The following PXN variants were observed in gnomAD, a reference collection of about 807,000 sequenced individuals.
PXN encodes the protein paxillin.
A neutral mutation model predicts 103.6 loss-of-function variants in PXN; 61 were observed. The observed-to-expected ratio is 0.59, with a 90% CI of 0.48 to 0.73. PXN has a LOEUF of 0.73. PXN is among the 30% of genes least tolerant of loss of function. PXN has a pLI of 0.00. For missense variants in PXN, 1,274 were observed against 1,460.3 expected (o/e 0.87, Z 2.08); for synonymous variants, 562 against 607.8 (o/e 0.92, Z 1.11).
intron 1 of PXN, among the ~76,000 whole-genome samples, chr12:120,240,291 T>TG (rs1361494944): frequency 6.6e-6 from 1 of 152,096 alleles, no homozygotes; most frequent in Non-Finnish European, 1.5e-5. Flanking sequence ...GATGAGGAGC[T>TG]GTCCCACCCA....
At chr12:120,237,677 T>C (rs1407555467) in intron 1 of PXN, among the ~76,000 whole-genome samples, 1 of 152,138 alleles carries the variant, frequency 6.6e-6, no homozygotes, top group East Asian at 1.9e-4. Context: ...AGTGACCCTT[T>C]TGCCTCCCTA....
At chr12:120,258,745 C>CT (rs566623125) in intron 1 of PXN, among the ~76,000 whole-genome samples, 2 of 152,076 alleles carry the variant, frequency 1.3e-5, no homozygotes, top group African/African-American at 2.4e-5. Context: ...TGTGTATATC[C>CT]TTTTTTTCAT....
intron 1 of PXN, among the ~76,000 whole-genome samples, chr12:120,252,184 G>A (rs1310119727): frequency 2.0e-5 from 3 of 152,096 alleles, no homozygotes; most frequent in Admixed American, 2.0e-4. Context: ...CATCACTGTG[G>A]GTGTCGCAGT....
chr12:120,262,740 G>A (rs1352017066), intron 1 of PXN, among the ~76,000 whole-genome samples: 3 of 152,178 alleles, frequency 2.0e-5, no homozygotes, highest in Non-Finnish European at 4.4e-5. Flanking sequence ...CACAGTCAGA[G>A]TGCATCTCAG....
chr12:120,218,828 CA>C (rs756427421), intron 7 of PXN, among the ~76,000 whole-genome samples: 18 of 152,238 alleles, frequency 1.2e-4, no homozygotes, highest in Admixed American at 4.6e-4. Flanking sequence ...CCCCACTTTA[CA>C]GATGAGAAAA....
intron 1 of PXN, among the ~76,000 whole-genome samples, chr12:120,246,226 A>G (rs1891088554): frequency 6.6e-6 from 1 of 152,132 alleles, no homozygotes; most frequent in Non-Finnish European, 1.5e-5. Context: ...GTCTCTACAA[A>G]AATAAAAATA....
chr12:120,228,429 C>T lies in PXN; in HGVS notation c.14-4052G>A, dbSNP rs1029321993. ...CTGAGGGCAGGCTAGGTGCAAAGTC[C>T]CCAGCGAGCCATGGGCAAAGGCCAC... is the stretch of plus-strand genomic sequence containing the variant. On this transcript the variant is annotated intron_variant, in intron 1 of 14. Coordinates refer to ENST00000637617, the MANE Select transcript of PXN (RefSeq NM_001385981.1). The surrounding 1 kb of genome is among the most constrained non-coding windows in gnomAD (Gnocchi z 4.7). 6.6e-6 allele frequency among the ~76,000 whole-genome samples: 1 copy of T among 152,178 alleles called. No homozygotes were observed. Among genetic ancestry groups the T allele is most frequent in the African/African-American group, 2.4e-5 (1 of 41,440 alleles).
intron 1 of PXN, among the ~76,000 whole-genome samples, chr12:120,257,338 T>C (rs1151832): frequency 0.28 from 41,904 of 152,116 alleles, 8,477 homozygotes; most frequent in East Asian, 0.55. Context: ...CCTCCCAGCA[T>C]CACCCCCTCC....
chr12:120,219,497 G>A lies in PXN; in HGVS notation c.1426C>T (p.Pro476Ser), dbSNP rs1269818917. The part of the protein sequence containing the change: ...VVAVDRQAIF[P>S]DTWTLTEEHG... ...TCCTCCGTGAGAGTCCAGGTATCTG[G>A]GAAGATGGCCTGCCGGTCCACTGCC... Residue 476 changes from proline (P) to serine (S), a missense_variant, in exon 7 of 15, where the codon CCA becomes TCA. Physicochemically the swap from Pro to Ser is moderately conservative, Grantham distance 74 (BLOSUM62 -1). Around this residue, in one of 2 missense-constraint regions of PXN, gnomAD observed 1,178 missense variants for 1,309.0 expected, o/e 0.90. Coordinates refer to ENST00000637617, the MANE Select transcript of PXN (RefSeq NM_001385981.1). The surrounding 1 kb of genome is among the most constrained non-coding windows in gnomAD (Gnocchi z 6.5). 3.8e-6 allele frequency: 6 copies of A among 1,597,080 alleles called. No homozygotes were observed. In the Admixed American group the frequency reaches 8.4e-5, roughly 22 times the overall value.
In PXN at chr12:120,245,853, T is replaced by C. The variant is rs182722765; in HGVS notation, c.13+19764A>G. ...TAAATTTGTGGACAAACATAAAAGG[T>C]GGACTACATAGTACGGGTTTCATAA... On this transcript the variant is annotated intron_variant, in intron 1 of 14. Transcript: ENST00000637617. Among the ~76,000 whole-genome samples, 267 of 148,596 alleles carry C rather than the reference T, an allele frequency of 1.8e-3. 1 individual carries two copies. The highest frequency in any genetic ancestry group is 5.9e-3 in the African/African-American group (238 of 40,182).
At chr12:120,231,367 A>G (rs73415014) in intron 1 of PXN, among the ~76,000 whole-genome samples, 1 of 152,348 alleles carries the variant, frequency 6.6e-6, no homozygotes, top group East Asian at 1.9e-4. Flanking sequence ...GATCAATACC[A>G]TAGTGTCATT....
At chr12:120,223,098 T>C in intron 3 of PXN, 99 bp from the exon 4 acceptor site, 1 of 1,583,046 alleles carries the variant, frequency 6.3e-7, no homozygotes, top group Non-Finnish European at 8.6e-7. Context: ...GCAGAGGAGA[T>C]GCGAAGTCTT....
In PXN at chr12:120,216,255, G is replaced by T. The variant is rs1279722639; in HGVS notation, c.2301+18C>A. 7.8e-6 allele frequency: 10 copies of T among 1,275,234 alleles called. No individual in the cohort carries two copies. Among genetic ancestry groups the T allele is most frequent in the Non-Finnish European group, 9.9e-6 (10 of 1,014,938 alleles). The allele number at this position is 1,275,234 out of a possible 1,614,324, so 79.0% of individuals were successfully genotyped here. ...TTAGGACAGGGGACAGAAAGGGAGG[G>T]GCTCCTTTAAGGCCTGCCTGCATCG... On this transcript the variant is annotated intron_variant, in intron 9 of 14. Coordinates refer to ENST00000637617, the MANE Select transcript of PXN (RefSeq NM_001385981.1). The surrounding 1 kb of genome is among the most constrained non-coding windows in gnomAD (Gnocchi z 5.1).
Position 120,214,746 on chromosome 12 carries a change from G to A in PXN, c.2748+79C>T, listed in dbSNP as rs1371153441. Reference sequence around the variant, plus strand: ...CATGTGACCTCTCTGAGCCTCCCACGGCACCCCCTGCATCCTCAGAGGGCT... The same window carrying A: ...CATGTGACCTCTCTGAGCCTCCCACAGCACCCCCTGCATCCTCAGAGGGCT... On this transcript the variant is annotated intron_variant, in intron 12 of 14. Coordinates refer to ENST00000637617, the MANE Select transcript of PXN (RefSeq NM_001385981.1). The surrounding 1 kb of genome is among the most constrained non-coding windows in gnomAD (Gnocchi z 5.0). 65 of 1,560,466 alleles carry A rather than the reference G, an allele frequency of 4.2e-5. No individual in the cohort carries two copies. In the East Asian group the frequency reaches 9.0e-4, roughly 22 times the overall value.
At chr12:120,231,226 A>G (rs1409638124) in intron 1 of PXN, among the ~76,000 whole-genome samples, 2 of 152,166 alleles carry the variant, frequency 1.3e-5, no homozygotes, top group South Asian at 2.1e-4. Context: ...GCATGCTCTG[A>G]GGAGATAATA....
chr12:120,221,864 C>A lies in PXN; in HGVS notation c.696-106G>T. 7.0e-7 allele frequency: 1 copy of A among 1,435,022 alleles called. No individual in the cohort carries two copies. The highest frequency in any genetic ancestry group is 9.2e-7 in the Non-Finnish European group (1 of 1,085,564). The allele number at this position is 1,435,022 out of a possible 1,614,324, so 88.9% of individuals were successfully genotyped here. ...GACACTGGGGTCTCACCATCCCCAA[C>A]CCCAGGGAGGTCCACCAGCTCCCTG... On this transcript the variant is annotated intron_variant, in intron 5 of 14. Transcript: ENST00000637617. This position sits in a 1 kb window ranked among gnomAD's most constrained non-coding sequence, Gnocchi z 6.6.
chr12:120,250,095 T>C (rs1189777336), intron 1 of PXN: 2 of 985,384 alleles, frequency 2.0e-6, no homozygotes, highest in Non-Finnish European at 2.4e-6. Flanking sequence ...CACTCAGCTG[T>C]CCCAGAGCAC....
rs1032745221 is a variant in PXN, at chr12:120,222,477, G to A, written c.695+72C>T. On this transcript the variant is annotated intron_variant, in intron 5 of 14. Coordinates refer to ENST00000637617, the MANE Select transcript of PXN (RefSeq NM_001385981.1). The surrounding 1 kb of genome is among the most constrained non-coding windows in gnomAD (Gnocchi z 4.7). ...GGGAGTGGGTGATACCAGGGCTAAGGGGACAGACACTGGACCCGGGGCAGG... is the reference window on the plus strand; with the variant it reads ...GGGAGTGGGTGATACCAGGGCTAAGAGGACAGACACTGGACCCGGGGCAGG... 2.2e-5 allele frequency: 32 copies of A among 1,461,278 alleles called. No individual in the cohort carries two copies. The highest frequency in any genetic ancestry group is 3.7e-6 in the Non-Finnish European group (4 of 1,086,762). 90.5% of individuals were successfully genotyped at this position (1,461,278 alleles called of 1,614,324 possible). A position where few individuals can be genotyped will look rare whatever the true frequency, so the allele number is the denominator to read the frequency against.
In PXN at chr12:120,217,660, A is replaced by C. The variant is rs1594364500; in HGVS notation, c.1717-544T>G. ...AGTGGCGCGATCTGGTCTCACTGCA[A>C]CCTCCGCCTCCTGGGTTCAAGAGAT... On this transcript the variant is annotated intron_variant, in intron 7 of 14. Coordinates refer to ENST00000637617, the MANE Select transcript of PXN (RefSeq NM_001385981.1). This position sits in a 1 kb window ranked among gnomAD's most constrained non-coding sequence, Gnocchi z 4.1. 6.6e-6 allele frequency among the ~76,000 whole-genome samples: 1 copy of C among 151,632 alleles called. No individual in the cohort carries two copies. Among genetic ancestry groups the C allele is most frequent in the Admixed American group, 6.6e-5 (1 of 15,228 alleles).
Sources: gnomAD v4.1 joint callset for allele counts (sites outside exome capture counted in the v4.1 genomes callset) on GRCh38, gnomAD v4.1.1 for gene constraint, gnomAD v4.1.1 regional missense constraint, Gnocchi (gnomAD v3.1) non-coding constraint, MANE v1.5 for transcripts, NCBI Gene and HGNC (gene_info 2026-07-23, HGNC 2026-07-21) for gene names.